The following COP1 variants were observed in gnomAD, a reference collection of about 807,000 sequenced individuals.
The protein encoded by COP1 is E3 ubiquitin-protein ligase COP1.
Under a neutral mutation model 101.3 loss-of-function variants are expected in COP1, and 24 were observed. The observed-to-expected ratio is 0.24, with a 90% CI of 0.17 to 0.33. COP1 has a LOEUF of 0.33. COP1 is among the 10% of genes least tolerant of loss of function. COP1 has a pLI of 1.00. For missense variants in COP1, 663 were observed against 906.2 expected (o/e 0.73, Z 3.45); for synonymous variants, 347 against 341.9 (o/e 1.01, Z -0.17).
intron 18 of COP1, among the ~76,000 whole-genome samples, chr1:175,966,797 A>G (rs1652111876): frequency 6.6e-6 from 1 of 152,142 alleles, no homozygotes; most frequent in Non-Finnish European, 1.5e-5. Flanking sequence ...ATCTCCCTAT[A>G]AGTATTATTT....
intron 14 of COP1, among the ~76,000 whole-genome samples, chr1:176,032,086 T>A (rs925241959): frequency 8.5e-5 from 13 of 152,106 alleles, no homozygotes; most frequent in Non-Finnish European, 1.5e-4. Flanking sequence ...GGGACAGAAG[T>A]TTGACACAGT....
Position 175,965,567 on chromosome 1 carries a change from GT to G in COP1, c.2134-18329del, listed in dbSNP as rs373869937. ...AGAGAAATTCATTTCACTTATCTGG[GT>G]TTTTTTTTTGTTTTGTTTTTGTTTG... On this transcript the variant is annotated intron_variant, in intron 18 of 19. Coordinates refer to ENST00000367669, the MANE Select transcript of COP1 (RefSeq NM_022457.7). 4.2e-3 allele frequency among the ~76,000 whole-genome samples: 498 copies of G among 118,948 alleles called. 4 individuals carry two copies. Among genetic ancestry groups the G allele is most frequent in the Middle Eastern group, 0.012 (3 of 244 alleles). The allele number at this position is 118,948 out of a possible 152,430, so 78.0% of individuals were successfully genotyped here.
intron 14 of COP1, among the ~76,000 whole-genome samples, chr1:176,035,710 CAAAAAAAA>C (rs71129541): frequency 0.46 from 35,122 of 75,766 alleles, 5,493 homozygotes; most frequent in East Asian, 0.6. Flanking sequence ...AAAACGAGAC[CAAAAAAAA>C]AAAAAAAAAA....
chr1:176,123,375 A>C (rs1222942413), intron 8 of COP1, among the ~76,000 whole-genome samples: 2 of 152,216 alleles, frequency 1.3e-5, no homozygotes, highest in Non-Finnish European at 2.9e-5. Context: ...CTTATACCTA[A>C]GCAAGTTTTA....
rs770101046 is a variant in COP1, at chr1:176,105,029, GA to G, written c.1026+11594del. Among the ~76,000 whole-genome samples the G allele has an allele frequency of 5.3e-5, 8 of 151,846 alleles. No individual in the cohort carries two copies. In the South Asian group the frequency reaches 1.2e-3, roughly 24 times the overall value. ...CTCATAAATTGTTAAATAAAGTACA[GA>G]AAAAAAATTACTAGAAAGCTACCCT... On this transcript the variant is annotated intron_variant, in intron 9 of 19. Coordinates refer to ENST00000367669, the MANE Select transcript of COP1 (RefSeq NM_022457.7).
intron 15 of COP1, among the ~76,000 whole-genome samples, chr1:176,002,216 T>A (rs1223321875): frequency 6.6e-6 from 1 of 152,266 alleles, no homozygotes; most frequent in South Asian, 2.1e-4. Context: ...TCTACAAATG[T>A]TGGCATGCTT....
chr1:176,003,667 G>A (rs1025757478), intron 15 of COP1, among the ~76,000 whole-genome samples: 16 of 152,088 alleles, frequency 1.1e-4, no homozygotes, highest in African/African-American at 2.9e-4. Flanking sequence ...TTGTAGATAC[G>A]TGGCGTTATT....
intron 6 of COP1, among the ~76,000 whole-genome samples, chr1:176,146,945 A>C (rs1035377245): frequency 2.0e-5 from 3 of 152,224 alleles, no homozygotes; most frequent in African/African-American, 7.2e-5. Flanking sequence ...CTCATTATCC[A>C]AATGAGTTAA....
chr1:175,990,390 T>A (rs1658109810), intron 15 of COP1, among the ~76,000 whole-genome samples: 1 of 152,148 alleles, frequency 6.6e-6, no homozygotes, highest in East Asian at 1.9e-4. Context: ...TATTGACTTA[T>A]TTTTAGTCTT....
At chr1:176,078,671 T>C (rs996605690) in intron 11 of COP1, among the ~76,000 whole-genome samples, 1 of 150,450 alleles carries the variant, frequency 6.6e-6, no homozygotes, top group African/African-American at 2.4e-5. Flanking sequence ...AAAGAGCTTC[T>C]GCATAGCAGA....
chr1:176,186,711 C>T (rs1447745652), intron 1 of COP1, among the ~76,000 whole-genome samples: 1 of 152,050 alleles, frequency 6.6e-6, no homozygotes, highest in Non-Finnish European at 1.5e-5. Context: ...GAAAAGAAGA[C>T]TAAAGGGAAG....
chr1:176,058,403 T>G (rs993774033), intron 11 of COP1, among the ~76,000 whole-genome samples: 4 of 152,128 alleles, frequency 2.6e-5, no homozygotes, highest in Non-Finnish European at 5.9e-5. Flanking sequence ...ATGGGAGACT[T>G]TTCATTTTGC....
At chr1:176,046,741 A>G (rs1260161910) in intron 11 of COP1, among the ~76,000 whole-genome samples, 1 of 152,068 alleles carries the variant, frequency 6.6e-6, no homozygotes, top group Non-Finnish European at 1.5e-5. Context: ...GTAGAATTTC[A>G]CAATATTAAA....
chr1:176,008,048 G>A (rs958025605), intron 15 of COP1, among the ~76,000 whole-genome samples: 2 of 152,112 alleles, frequency 1.3e-5, no homozygotes, highest in Non-Finnish European at 2.9e-5. Context: ...ATCTCGTGGT[G>A]CGCCGTTTTT....
intron 6 of COP1, among the ~76,000 whole-genome samples, chr1:176,136,974 T>G (rs1400510654): frequency 6.6e-6 from 1 of 151,964 alleles, no homozygotes; most frequent in Non-Finnish European, 1.5e-5. Flanking sequence ...TCTCCAACTT[T>G]TGAGCTCAAG....
chr1:176,155,395 G>A (rs1693294702), intron 5 of COP1, among the ~76,000 whole-genome samples: 1 of 151,778 alleles, frequency 6.6e-6, no homozygotes, highest in African/African-American at 2.4e-5. Flanking sequence ...AGCAGACATA[G>A]CAGAGGAAAG....
intron 18 of COP1, among the ~76,000 whole-genome samples, chr1:175,964,828 A>G (rs1651797997): frequency 6.6e-6 from 1 of 152,232 alleles, no homozygotes. Flanking sequence ...ATTTGAGGTA[A>G]CTAGGCTTCA....
At chr1:175,971,960 A>C (rs528685129) in intron 18 of COP1, among the ~76,000 whole-genome samples, 1 of 152,276 alleles carries the variant, frequency 6.6e-6, no homozygotes, top group African/African-American at 2.4e-5. Context: ...CTGTAAAGAA[A>C]GAATAGGTTT....
intron 11 of COP1, among the ~76,000 whole-genome samples, chr1:176,064,107 A>C (rs948935750): frequency 3.3e-5 from 5 of 152,202 alleles, no homozygotes; most frequent in Admixed American, 2.0e-4. Flanking sequence ...GGATCTTTCA[A>C]AACTAGGTAA....
Sources: gnomAD v4.1 joint callset for allele counts (sites outside exome capture counted in the v4.1 genomes callset) on GRCh38, gnomAD v4.1.1 for gene constraint, MANE v1.5 for transcripts, NCBI Gene and HGNC (gene_info 2026-07-23, HGNC 2026-07-21) for gene names.